AHNAK2: variants seen among roughly 807,000 people sequenced by gnomAD.
AHNAK2 encodes protein AHNAK2.
A neutral mutation model predicts 30.7 loss-of-function variants in AHNAK2; 18 were observed. The ratio of observed to expected loss-of-function variants is 0.59; its 90% CI spans 0.41 to 0.87. AHNAK2 has a LOEUF of 0.87. Among genes scored for constraint, AHNAK2 ranks in the 40% least tolerant of loss-of-function variants. The pLI is 0.00. For synonymous variants in AHNAK2, 3,590 were observed against 3,073.8 expected (o/e 1.17, Z -5.56); for missense variants, 8,604 against 7,373.0 (o/e 1.17, Z -6.11).
rs530781234 is a variant in AHNAK2, at chr14:104,943,257, T to C, written c.12194A>G (p.Asp4065Gly). Residue 4065 changes from aspartate to glycine, a missense_variant, in exon 7 of 7, where the codon GAC becomes GGC. Asp to Gly is a moderately conservative substitution (Grantham distance 94, BLOSUM62 -1). Coordinates refer to ENST00000333244, the MANE Select transcript of AHNAK2 (RefSeq NM_138420.4). ...QMPSFKMPKV[D>G]LKGPQIDVKG... ...AACATCTATCTGGGGGCCCTTGAGG[T>C]CCACTTTGGGCATCTTGAAACTGGG... is the stretch of plus-strand genomic sequence containing the variant. The C allele has an allele frequency of 5.2e-5, 84 of 1,610,934 alleles. No individual in the cohort carries two copies. The South Asian group carries it at 6.5e-4, about 12-fold the overall frequency.
chr14:104,965,066 T>C (rs890586629), intron 1 of AHNAK2, among the ~76,000 whole-genome samples: 1 of 152,094 alleles, frequency 6.6e-6, no homozygotes, highest in Admixed American at 6.5e-5. Context: ...CTTTTGCAAT[T>C]GTTTCTTTTA....
intron 1 of AHNAK2, among the ~76,000 whole-genome samples, chr14:104,963,835 A>G (rs891457240): frequency 2.6e-5 from 4 of 151,304 alleles, no homozygotes; most frequent in African/African-American, 7.4e-5. Context: ...GTCTAAAAAA[A>G]AAAAAGAAAA....
chr14:104,957,024 T>C (rs74090132), intron 3 of AHNAK2, among the ~76,000 whole-genome samples: 12,462 of 152,256 alleles, frequency 0.082, 1,288 homozygotes, highest in East Asian at 0.47. Flanking sequence ...TTCATAGACA[T>C]GCCTCCTCTG....
Position 104,940,953 on chromosome 14 carries a change from G to C in AHNAK2, c.14498C>G (p.Pro4833Arg). 6.2e-7 allele frequency: 1 copy of C among 1,613,026 alleles called. No homozygotes were observed. Among genetic ancestry groups the C allele is most frequent in the African/African-American group, 1.3e-5 (1 of 75,052 alleles). ...PKTECSTDLQ[P>R]PEGVPTSQAE... ...TTGAGATGTTGGAACTCCCTCTGGAGGCTGCAGGTCAGTGGAGCACTCTGT... is the reference window on the plus strand; with the variant it reads ...TTGAGATGTTGGAACTCCCTCTGGACGCTGCAGGTCAGTGGAGCACTCTGT... The change falls in exon 7 of 7, where the codon CCT becomes CGT. Residue 4833 changes from proline (P) to arginine (R), a missense_variant. Transcript: ENST00000333244. This position sits in a 1 kb window ranked among gnomAD's most constrained non-coding sequence, Gnocchi z 4.4.
At position 104,946,093 on chromosome 14, in the gene AHNAK2, A is replaced by G. The variant is rs568209372; in HGVS notation, c.9358T>C (p.Leu3120=). 60 of 1,607,160 alleles carry G rather than the reference A, an allele frequency of 3.7e-5. No individual in the cohort carries two copies. Among genetic ancestry groups the G allele is most frequent in the Admixed American group, 3.7e-4 (22 of 59,276 alleles). Residue 3120 remains leucine, a synonymous_variant, in exon 7 of 7, where the codon TTG becomes CTG. Coordinates refer to ENST00000333244, the MANE Select transcript of AHNAK2 (RefSeq NM_138420.4). Reference sequence around the variant, plus strand: ...TCCCCCTCCAGCCGTGCACCATCCAACTTGGCTCCTGGGGCCTCGACATCC... The same window carrying G: ...TCCCCCTCCAGCCGTGCACCATCCAGCTTGGCTCCTGGGGCCTCGACATCC... The part of the protein sequence containing the change: ...EVDVEAPGAK[L]DGARLEGDLS...
chr14:104,955,926 G>A (rs928978835), intron 4 of AHNAK2, among the ~76,000 whole-genome samples: 3 of 152,202 alleles, frequency 2.0e-5, no homozygotes, highest in Non-Finnish European at 2.9e-5. Flanking sequence ...AGCGCAGAAC[G>A]GATTCTGCTT....
chr14:104,946,726 C>G lies in AHNAK2; in HGVS notation c.8725G>C (p.Val2909Leu). ...TCTATCTGGGGGCCCTTGAGATCCA[C>G]TTTGGGCATCTTGAAACTGGGCATC... ...VQMPSFKMPK[V>L]DLKGPQIDVK... Residue 2909 changes from valine to leucine, a missense_variant, in exon 7 of 7, where the codon GTG becomes CTG. Transcript: ENST00000333244. The G allele has an allele frequency of 6.2e-7, 1 of 1,612,492 alleles. No homozygotes were observed. Among genetic ancestry groups the G allele is most frequent in the Non-Finnish European group, 8.5e-7 (1 of 1,179,450 alleles).
Position 104,940,622 on chromosome 14 carries a change from A to T in AHNAK2, c.14829T>A (p.Asp4943Glu). 1 of 1,613,702 alleles carries T rather than the reference A, an allele frequency of 6.2e-7. No individual in the cohort carries two copies. Residue 4943 changes from aspartate (D) to glutamate (E), a missense_variant, in exon 7 of 7, where the codon GAT becomes GAA. Asp to Glu is a conservative substitution (Grantham distance 45, BLOSUM62 2). Transcript: ENST00000333244. The surrounding 1 kb of genome is among the most constrained non-coding windows in gnomAD (Gnocchi z 4.4). ...VVAPGEAPSE[D>E]ADHEGKGSPL... ...GACTCCCTTTCCCTTCGTGGTCAGC[A>T]TCTTCAGAAGGGGCTTCTCCAGGGG... is the stretch of plus-strand genomic sequence containing the variant.
chr14:104,954,714 G>A lies in AHNAK2; in HGVS notation c.737C>T (p.Pro246Leu), dbSNP rs1898918130. Residue 246 changes from proline to leucine, a missense_variant, in exon 7 of 7, where the codon CCA becomes CTA. Transcript: ENST00000333244. This position sits in a 1 kb window ranked among gnomAD's most constrained non-coding sequence, Gnocchi z 4.3. ...DGDQERLISK[P>L]RVGRGRQSQR... ...GCTCTGCCTGCCTCTCCCCACCCTT[G>A]GTTTGGAGATGAGTCTCTCTTGGTC... is the stretch of plus-strand genomic sequence containing the variant. The A allele has an allele frequency of 6.2e-7, 1 of 1,612,590 alleles. No homozygotes were observed. Among genetic ancestry groups the A allele is most frequent in the Non-Finnish European group, 8.5e-7 (1 of 1,179,490 alleles).
At chr14:104,957,833 C>T (rs533716722) in intron 1 of AHNAK2, among the ~76,000 whole-genome samples, 161 bp from the exon 2 acceptor site, 1 of 152,186 alleles carries the variant, frequency 6.6e-6, no homozygotes, top group South Asian at 2.1e-4. Context: ...AGATCTATAG[C>T]CAATGGGCTG....
Position 104,945,325 on chromosome 14 carries a change from G to A in AHNAK2, c.10126C>T (p.Leu3376Phe), listed in dbSNP as rs201165355. ...CCCTCGGGCACGTGGCCCTCCGGGA[G>A]CTTCACGTCCACCTGGCCAGCCTGG... ...EVQAGQVDVK[L>F]PEGHVPEGAG... is the part of the protein sequence containing the mutation. Residue 3376 changes from leucine (L) to phenylalanine (F), a missense_variant, in exon 7 of 7, where the codon CTC becomes TTC. Transcript: ENST00000333244. 265 of 1,612,882 alleles carry A rather than the reference G, an allele frequency of 1.6e-4. 5 individuals carry two copies. In the African/African-American group the frequency reaches 2.8e-3, roughly 17 times the overall value.
In AHNAK2 at chr14:104,949,372, T is replaced by C. The variant is rs372499640; in HGVS notation, c.6079A>G (p.Met2027Val). Reference protein sequence around the residue: ...KVEADVSLPSMQGDLKTTDLS... With the variant: ...KVEADVSLPSVQGDLKTTDLS... ...TCAGTGGTCTTCAGGTCCCCCTGCA[T>C]GGAGGGGAGACTCACGTCGGCCTCC... The change falls in exon 7 of 7, where the codon ATG (methionine) becomes GTG (valine). Residue 2027 changes from methionine (M) to valine (V), a missense_variant. Coordinates refer to ENST00000333244, the MANE Select transcript of AHNAK2 (RefSeq NM_138420.4). 13 of 1,577,860 alleles carry C rather than the reference T, an allele frequency of 8.2e-6. 1 individual carries two copies. The Admixed American group carries it at 1.2e-4, about 15-fold the overall frequency.
chr14:104,944,677 C>T lies in AHNAK2; in HGVS notation c.10774G>A (p.Val3592Met). 2 of 1,613,208 alleles carry T rather than the reference C, an allele frequency of 1.2e-6. No individual in the cohort carries two copies. The highest frequency in any genetic ancestry group is 2.2e-5 in the South Asian group (2 of 91,026). Residue 3592 changes from valine to methionine, a missense_variant, in exon 7 of 7, where the codon GTG becomes ATG. Val to Met is a conservative substitution (Grantham distance 21, BLOSUM62 1). Transcript: ENST00000333244. ...KLDLKGPKAE[V>M]RVPDVEVSLP... ...GACACCTCGACATCGGGGACTCTCA[C>T]TTCTGCCTTGGGGCCTTTCAGGTCC...
At position 104,978,189 on chromosome 14, in the gene AHNAK2, CG is replaced by C. The variant is rs1566928757; in HGVS notation, c.48del (p.Gly17AlafsTer23). The C allele has an allele frequency of 8.3e-7, 1 of 1,211,546 alleles. No individual in the cohort carries two copies. The highest frequency in any genetic ancestry group is 1.0e-6 in the Non-Finnish European group (1 of 974,232). The allele number at this position is 1,211,546 out of a possible 1,614,324, so 75.0% of individuals were successfully genotyped here. ...HMVLPTWPGTPGSVSGRQLQP... is the reference protein window; with the variant it reads ...HMVLPTWPGTXGSVSGRQLQP... ...CAGGCGGGGAGGGGCGCACCGCTGC[CG>C]GGGGTTCCGGGCCAGGTGGGCAGCA... On this transcript the variant is annotated frameshift_variant, in exon 1 of 7. Transcript: ENST00000333244. LOFTEE classifies it high-confidence loss of function.
rs1158973315 is a variant in AHNAK2 at position 104,950,180 on chromosome 14, C to T, written c.5271G>A (p.Lys1757=). Residue 1757 remains lysine, a synonymous_variant, in exon 7 of 7, where the codon AAG becomes AAA. Coordinates refer to ENST00000333244, the MANE Select transcript of AHNAK2 (RefSeq NM_138420.4). ...GGCCCTTGACGTCCATCTGGGGGCCCTTGAGGGCCACTTTGGGCATCTTCA... is the reference window on the plus strand; with the variant it reads ...GGCCCTTGACGTCCATCTGGGGGCCTTTGAGGGCCACTTTGGGCATCTTCA... ...PSLKMPKVAL[K]GPQMDVKGPK... 1.3e-6 allele frequency: 2 copies of T among 1,586,128 alleles called. No homozygotes were observed.
rs1202459737 is a variant in AHNAK2 at position 104,948,121 on chromosome 14, C to T, written c.7330G>A (p.Val2444Met). 1.4e-5 allele frequency: 22 copies of T among 1,611,400 alleles called. No individual in the cohort carries two copies. The Admixed American group carries it at 2.3e-4, about 17-fold the overall frequency. The change falls in exon 7 of 7, where the codon GTG becomes ATG. Residue 2444 changes from valine to methionine, a missense_variant. Transcript: ENST00000333244. ...KTDVMAPDVE[V>M]SQPSVEVDVE... Reference sequence around the variant, plus strand: ...TCCACCTCCACGCTGGGCTGAGACACCTCCACGTCGGGGGCCATCACGTCC... The same window carrying T: ...TCCACCTCCACGCTGGGCTGAGACATCTCCACGTCGGGGGCCATCACGTCC...
intron 1 of AHNAK2, among the ~76,000 whole-genome samples, chr14:104,968,559 G>C (rs76901420): frequency 6.6e-5 from 10 of 152,200 alleles, no homozygotes; most frequent in Admixed American, 2.6e-4. Flanking sequence ...AGGTCCGTGG[G>C]GGGAGGAGGT....
Position 104,942,428 on chromosome 14 carries a change from C to G in AHNAK2, c.13023G>C (p.Leu4341=), listed in dbSNP as rs185751603. The change falls in exon 7 of 7, where the codon CTG becomes CTC. Residue 4341 remains leucine, a synonymous_variant. Transcript: ENST00000333244. The part of the protein sequence containing the change: ...DVSLPSMQGD[L]KTTHLSIQPP... The stretch of plus-strand genomic sequence containing the variant: ...GCTGAATGCTGAGGTGAGTGGTCTT[C>G]AGGTCCCCCTGCATGGAGGGGAGGC... The G allele has an allele frequency of 8.6e-4, 1,383 of 1,606,878 alleles. 5 individuals are homozygous for G. The African/African-American group carries it at 0.012, about 14-fold the overall frequency.
chr14:104,957,664 G>A lies in AHNAK2; in HGVS notation c.64C>T (p.Arg22Cys), dbSNP rs753804248. 7.5e-6 allele frequency: 12 copies of A among 1,610,594 alleles called. No individual in the cohort carries two copies. The highest frequency in any genetic ancestry group is 5.3e-5 in the African/African-American group (4 of 74,886). Residue 22 changes from arginine (R) to cysteine (C), a missense_variant, in exon 2 of 7, where the codon CGT becomes TGT. By Grantham distance (180) the Arg-to-Cys change is radical. Coordinates refer to ENST00000333244, the MANE Select transcript of AHNAK2 (RefSeq NM_138420.4). ...CCTGGCTCCCCGGGCTGCAGCTGAC[G>A]GCCGGACACTGCAGAGAGAGTGGCT... is the stretch of plus-strand genomic sequence containing the variant. ...WPGTPGSVSG[R>C]QLQPGEPGAE...
Sources: allele counts gnomAD v4.1 joint callset (sites outside exome capture counted in the v4.1 genomes callset), GRCh38; gene constraint gnomAD v4.1.1; non-coding constraint Gnocchi (gnomAD v3.1); transcripts MANE v1.5; gene names NCBI Gene and HGNC (gene_info 2026-07-23, HGNC 2026-07-21).